Variants in PPARG observed in about 807,000 individuals in gnomAD.
PPARG encodes peroxisome proliferator-activated receptor gamma.
In PPARG, 17 loss-of-function variants were observed where a neutral mutation model predicts 39.2. The observed-to-expected ratio is 0.43, with a 90% CI of 0.30 to 0.65. The LOEUF (loss-of-function observed/expected upper bound fraction) is 0.65. Among genes scored for constraint, PPARG ranks in the 30% least tolerant of loss-of-function variants. PPARG has a pLI of 0.13. For missense variants in PPARG, 406 were observed against 585.9 expected (o/e 0.69, Z 3.17); for synonymous variants, 223 against 215.7 (o/e 1.03, Z -0.30).
intron 2 of PPARG, among the ~76,000 whole-genome samples, chr3:12,320,904 T>TA (rs2047524217): frequency 6.6e-6 from 1 of 152,046 alleles, no homozygotes; most frequent in African/African-American, 2.4e-5. Context: ...AAGAGAAGAC[T>TA]AAATTGTTTT....
intron 2 of PPARG, among the ~76,000 whole-genome samples, chr3:12,329,898 T>A (rs1004965926): frequency 6.6e-6 from 1 of 152,232 alleles, no homozygotes; most frequent in Admixed American, 6.5e-5. Context: ...ATATTTGTCC[T>A]TTTTGTATGG....
chr3:12,369,517 T>C (rs1197543623), intron 2 of PPARG, among the ~76,000 whole-genome samples: 2 of 152,126 alleles, frequency 1.3e-5, no homozygotes, highest in African/African-American at 4.8e-5. Flanking sequence ...AATAATAACT[T>C]ATACTATTAT....
chr3:12,400,637 G>A (rs2050438903), intron 5 of PPARG, among the ~76,000 whole-genome samples: 1 of 152,206 alleles, frequency 6.6e-6, no homozygotes, highest in Non-Finnish European at 1.5e-5. Context: ...TGTTCTGGAA[G>A]TTGCTCTGTG....
intron 2 of PPARG, among the ~76,000 whole-genome samples, chr3:12,367,281 A>G (rs985936608): frequency 5.3e-5 from 8 of 152,206 alleles, no homozygotes; most frequent in Admixed American, 2.0e-4. Flanking sequence ...GTAGAATTTC[A>G]ACTAAACCAA....
intron 6 of PPARG, among the ~76,000 whole-genome samples, chr3:12,410,344 G>A (rs1173374358): frequency 6.6e-6 from 1 of 152,148 alleles, no homozygotes; most frequent in South Asian, 2.1e-4. Flanking sequence ...CTATTACCCT[G>A]GTGCGATGAT....
chr3:12,301,392 G>C (rs897419070), intron 1 of PPARG: 3 of 152,170 alleles, frequency 2.0e-5, no homozygotes, highest in African/African-American at 7.2e-5. Flanking sequence ...TTACATATTA[G>C]ATAAAACACT....
intron 2 of PPARG, among the ~76,000 whole-genome samples, chr3:12,372,525 G>C (rs1025446703): frequency 1.3e-5 from 2 of 152,174 alleles, no homozygotes; most frequent in African/African-American, 2.4e-5. Context: ...ATTTGGCGTA[G>C]TACTTTGCAC....
chr3:12,418,165 C>T (rs1282210331), intron 7 of PPARG, among the ~76,000 whole-genome samples: 3 of 152,034 alleles, frequency 2.0e-5, no homozygotes, highest in South Asian at 2.1e-4. Context: ...GATGAGGTCT[C>T]ATTATGTTGC....
chr3:12,410,000 G>C (rs1241270181), intron 6 of PPARG, among the ~76,000 whole-genome samples: 3 of 152,084 alleles, frequency 2.0e-5, no homozygotes, highest in Non-Finnish European at 4.4e-5. Flanking sequence ...TCATATCCTT[G>C]GTGTATGATG....
chr3:12,297,387 T>C (rs566251719), intron 1 of PPARG, among the ~76,000 whole-genome samples: 1 of 152,204 alleles, frequency 6.6e-6, no homozygotes, highest in East Asian at 1.9e-4. Flanking sequence ...ATGGAGGGCT[T>C]TTTGTTTGTT....
intron 2 of PPARG, among the ~76,000 whole-genome samples, chr3:12,347,272 C>G (rs1372217489): frequency 6.6e-6 from 1 of 151,874 alleles, no homozygotes; most frequent in East Asian, 1.9e-4. Flanking sequence ...GTCACTTGAG[C>G]CCAGGAGTTG....
chr3:12,300,971 A>G (rs1265247866), intron 1 of PPARG, among the ~76,000 whole-genome samples: 3 of 152,258 alleles, frequency 2.0e-5, no homozygotes, highest in Non-Finnish European at 2.9e-5. Flanking sequence ...TCACTTGTAT[A>G]GGATTCTCCA....
chr3:12,323,270 T>C (rs1203956662), intron 2 of PPARG, among the ~76,000 whole-genome samples: 1 of 152,136 alleles, frequency 6.6e-6, no homozygotes, highest in Admixed American at 6.5e-5. Flanking sequence ...TTAGCTTGAT[T>C]TTTGGATTTG....
At chr3:12,300,878 A>G (rs1240998992) in intron 1 of PPARG, among the ~76,000 whole-genome samples, 1 of 152,144 alleles carries the variant, frequency 6.6e-6, no homozygotes, top group Non-Finnish European at 1.5e-5. Flanking sequence ...CCTAATTCCC[A>G]GCCAAACTGG....
At chr3:12,309,770 GC>G in intron 1 of PPARG, among the ~76,000 whole-genome samples, 1 of 152,188 alleles carries the variant, frequency 6.6e-6, no homozygotes, top group Admixed American at 6.5e-5. Context: ...TGAGTAAACT[GC>G]CCTTGGCCTG....
intron 2 of PPARG, among the ~76,000 whole-genome samples, chr3:12,358,400 C>T (rs1421376429): frequency 6.6e-6 from 1 of 152,158 alleles, no homozygotes; most frequent in East Asian, 1.9e-4. Context: ...GTCTTCTTCT[C>T]ATCTTTAAAA....
chr3:12,359,242 G>GT (rs1281597423), intron 2 of PPARG, among the ~76,000 whole-genome samples: 1 of 152,084 alleles, frequency 6.6e-6, no homozygotes, highest in African/African-American at 2.4e-5. Context: ...TTGATTTAAG[G>GT]TTTTAGATTA....
chr3:12,295,919 G>A (rs1358931860), intron 1 of PPARG, among the ~76,000 whole-genome samples: 5 of 152,060 alleles, frequency 3.3e-5, no homozygotes, highest in African/African-American at 1.2e-4. Context: ...TTCTATTCCA[G>A]CATATAGCAC....
chr3:12,391,952 G>A (rs1220806176), intron 4 of PPARG, among the ~76,000 whole-genome samples: 3 of 152,046 alleles, frequency 2.0e-5, no homozygotes, highest in Admixed American at 2.0e-4. Context: ...TATTCAGTTG[G>A]CCTCAAATTG....
Sources: gnomAD v4.1 joint callset for allele counts (sites outside exome capture counted in the v4.1 genomes callset) on GRCh38, gnomAD v4.1.1 for gene constraint, MANE v1.5 for transcripts, NCBI Gene and HGNC (gene_info 2026-07-23, HGNC 2026-07-21) for gene names.